KIF16B: variants seen among roughly 807,000 people sequenced by gnomAD.
The protein encoded by KIF16B is kinesin-like protein KIF16B.
KIF16B carries 98 observed loss-of-function variants against 156.3 expected under a neutral mutation model. The observed-to-expected ratio is 0.63, with a 90% confidence interval of 0.53 to 0.74. The LOEUF (loss-of-function observed/expected upper bound fraction) is 0.74. KIF16B is among the 30% of genes least tolerant of loss of function. The pLI is 0.00. For missense variants in KIF16B, 1,421 were observed against 1,606.5 expected (o/e 0.88, Z 1.97); for synonymous variants, 564 against 583.7 (o/e 0.97, Z 0.49).
chr20:16,468,510 A>G (rs576614910), intron 12 of KIF16B, among the ~76,000 whole-genome samples: 37 of 138,760 alleles, frequency 2.7e-4, no homozygotes, highest in African/African-American at 1.0e-3. Context: ...CTGGGGGAGG[A>G]GATTGCAGTG....
intron 7 of KIF16B, 108 bp from the exon 8 acceptor site, chr20:16,506,298 G>C: frequency 1.1e-6 from 1 of 925,024 alleles, no homozygotes; most frequent in Non-Finnish European, 1.7e-6. Flanking sequence ...TCTCAGGGTA[G>C]ATATTTTTCA....
At chr20:16,548,643 C>T (rs964231670) in intron 1 of KIF16B, among the ~76,000 whole-genome samples, 1 of 152,158 alleles carries the variant, frequency 6.6e-6, no homozygotes, top group Non-Finnish European at 1.5e-5. Context: ...AGAGTGGGCA[C>T]ATTGCAAAAC....
intron 23 of KIF16B, among the ~76,000 whole-genome samples, chr20:16,350,342 G>A (rs78819563): frequency 1.2e-3 from 181 of 152,308 alleles, no homozygotes; most frequent in African/African-American, 4.0e-3. Context: ...AATGGGACAC[G>A]TGCTTCTAAG....
At chr20:16,563,244 C>T (rs894920684) in intron 1 of KIF16B, among the ~76,000 whole-genome samples, 12 of 152,194 alleles carry the variant, frequency 7.9e-5, no homozygotes, top group African/African-American at 2.9e-4. Flanking sequence ...CTGGTGGTTA[C>T]CTCCTTTGTG....
chr20:16,341,490 C>T (rs2064138546), intron 23 of KIF16B, among the ~76,000 whole-genome samples: 1 of 152,104 alleles, frequency 6.6e-6, no homozygotes, highest in Admixed American at 6.6e-5. Context: ...ATAATACGGT[C>T]TCAAAAATGA....
intron 12 of KIF16B, among the ~76,000 whole-genome samples, chr20:16,466,282 A>G (rs1282549734): frequency 6.6e-6 from 1 of 152,228 alleles, no homozygotes; most frequent in Non-Finnish European, 1.5e-5. Context: ...ACAAACTGAA[A>G]AAGCATCAAC....
At chr20:16,305,434 A>G (rs1031811384) in intron 25 of KIF16B, among the ~76,000 whole-genome samples, 7 of 152,164 alleles carry the variant, frequency 4.6e-5, no homozygotes, top group Non-Finnish European at 1.0e-4. Flanking sequence ...ATAGTTGTAC[A>G]TATTTTGGGG....
chr20:16,349,594 T>A (rs2064296144), intron 23 of KIF16B, among the ~76,000 whole-genome samples: 1 of 152,192 alleles, frequency 6.6e-6, no homozygotes, highest in African/African-American at 2.4e-5. Flanking sequence ...ATACTGACAA[T>A]TCATGCAAAA....
intron 25 of KIF16B, among the ~76,000 whole-genome samples, chr20:16,284,284 C>T (rs2063189826): frequency 6.6e-6 from 1 of 152,340 alleles, no homozygotes; most frequent in African/African-American, 2.4e-5. Flanking sequence ...TACCTGGCAA[C>T]TACTGATACT....
chr20:16,522,116 A>T (rs1451836126), intron 3 of KIF16B, among the ~76,000 whole-genome samples: 2 of 152,176 alleles, frequency 1.3e-5, no homozygotes, highest in African/African-American at 4.8e-5. Flanking sequence ...GCATCAACTA[A>T]TGGGCAAAAT....
At chr20:16,440,540 C>T (rs2066767888) in intron 12 of KIF16B, among the ~76,000 whole-genome samples, 1 of 15,382 alleles carries the variant, frequency 6.5e-5, no homozygotes, top group East Asian at 3.3e-3. Flanking sequence ...CGCGCACACA[C>T]ACACACACAC....
intron 25 of KIF16B, among the ~76,000 whole-genome samples, chr20:16,311,750 C>G (rs574939956): frequency 6.6e-6 from 1 of 152,138 alleles, no homozygotes; most frequent in Non-Finnish European, 1.5e-5. Flanking sequence ...AAATAAGCAA[C>G]TATATCCCAA....
At chr20:16,501,278 TG>T (rs2146977557) in intron 10 of KIF16B, among the ~76,000 whole-genome samples, 1 of 55,218 alleles carries the variant, frequency 1.8e-5, no homozygotes, top group East Asian at 9.1e-4. Context: ...ATTGAATTCT[TG>T]GTTCAATACC....
At chr20:16,520,772 C>T (rs1029598980) in intron 3 of KIF16B, among the ~76,000 whole-genome samples, 1 of 152,132 alleles carries the variant, frequency 6.6e-6, no homozygotes, top group African/African-American at 2.4e-5. Context: ...ACACCTCATA[C>T]GGGAGAGCTC....
chr20:16,534,764 C>T (rs2069892145), intron 1 of KIF16B, among the ~76,000 whole-genome samples: 1 of 151,848 alleles, frequency 6.6e-6, no homozygotes, highest in Non-Finnish European at 1.5e-5. Flanking sequence ...TGAAGAGAGC[C>T]CCAATGTACG....
intron 12 of KIF16B, among the ~76,000 whole-genome samples, chr20:16,484,068 C>T (rs1022871961): frequency 6.6e-6 from 1 of 152,146 alleles, no homozygotes; most frequent in Non-Finnish European, 1.5e-5. Flanking sequence ...AGCCCATCAG[C>T]GCACATGCCT....
intron 15 of KIF16B, among the ~76,000 whole-genome samples, chr20:16,426,717 A>G (rs545544821): frequency 6.6e-6 from 1 of 152,292 alleles, no homozygotes; most frequent in Admixed American, 6.5e-5. Context: ...TAGACATGAT[A>G]CCAAATCCTC....
At chr20:16,291,194 G>A (rs1167647522) in intron 25 of KIF16B, among the ~76,000 whole-genome samples, 1 of 152,128 alleles carries the variant, frequency 6.6e-6, no homozygotes, top group Non-Finnish European at 1.5e-5. Flanking sequence ...AATTTCATAG[G>A]TTTACAATAT....
At chr20:16,295,769 A>G (rs1226885958) in intron 25 of KIF16B, among the ~76,000 whole-genome samples, 1 of 152,192 alleles carries the variant, frequency 6.6e-6, no homozygotes, top group Non-Finnish European at 1.5e-5. Context: ...GTACTGAAGA[A>G]GAGGAGAAAA....
Sources: gnomAD v4.1 joint callset for allele counts (sites outside exome capture counted in the v4.1 genomes callset) on GRCh38, gnomAD v4.1.1 for gene constraint, MANE v1.5 for transcripts, NCBI Gene and HGNC (gene_info 2026-07-23, HGNC 2026-07-21) for gene names.